The following ARL6IP5 variants were observed in gnomAD, a reference collection of about 807,000 sequenced individuals.
ARL6IP5 encodes the protein ARF like GTPase 6 interacting protein 5.
ARL6IP5 carries 6 observed loss-of-function variants against 13.0 expected under a neutral mutation model. That is an observed-to-expected ratio of 0.46 (90% CI 0.25 to 0.91). The LOEUF is 0.91. Among genes scored for constraint, ARL6IP5 ranks in the 40% least tolerant of loss-of-function variants. The pLI is 0.17. For synonymous variants in ARL6IP5, 91 were observed against 91.9 expected (o/e 0.99, Z 0.06); for missense variants, 208 against 248.8 (o/e 0.84, Z 1.10).
chr3:69,103,929 G>T (rs1476041011), intron 2 of ARL6IP5, among the ~76,000 whole-genome samples: 1 of 152,164 alleles, frequency 6.6e-6, no homozygotes, highest in Non-Finnish European at 1.5e-5. Flanking sequence ...GGAACGGTAG[G>T]CTATAGAAAC....
chr3:69,105,408 G>A lies in ARL6IP5; in HGVS notation c.*772G>A, dbSNP rs2092319584. 6.6e-6 allele frequency: 1 copy of A among 152,040 alleles called. No individual in the cohort carries two copies. The highest frequency in any genetic ancestry group is 6.6e-5 in the Admixed American group (1 of 15,260). 9.4% of individuals were successfully genotyped at this position (152,040 alleles called of 1,614,324 possible). On this transcript the variant is annotated 3_prime_UTR_variant, in exon 3 of 3. Coordinates refer to ENST00000273258, the MANE Select transcript of ARL6IP5 (RefSeq NM_006407.4). Reference sequence around the variant, plus strand: ...ACAAAACTTGAGTTCTATTTACCTTGCACATTTTTTGTTGTTACAGTGAAA... The same window carrying A: ...ACAAAACTTGAGTTCTATTTACCTTACACATTTTTTGTTGTTACAGTGAAA...
In ARL6IP5 at chr3:69,101,316, C is replaced by CTTTTTTTTTTTT. The variant is rs549402201; in HGVS notation, c.177-513_177-502dup. ...TGCCTGGGTGTGATCTCAGCTCCAC[C>CTTTTTTTTTTTT]TTTTTTTTTTTTTTTTTTTTTAATG... On this transcript the variant is annotated intron_variant, in intron 1 of 2. Transcript: ENST00000273258. Among the ~76,000 whole-genome samples the CTTTTTTTTTTTT allele has an allele frequency of 7.3e-3, 870 of 119,414 alleles. 21 individuals are homozygous for CTTTTTTTTTTTT. Among genetic ancestry groups the CTTTTTTTTTTTT allele is most frequent in the East Asian group, 0.014 (42 of 2,898 alleles). 78.3% of individuals were successfully genotyped at this position (119,414 alleles called of 152,430 possible).
Position 69,104,686 on chromosome 3 carries a change from C to A in ARL6IP5, c.*50C>A. On this transcript the variant is annotated 3_prime_UTR_variant, in exon 3 of 3. Coordinates refer to ENST00000273258, the MANE Select transcript of ARL6IP5 (RefSeq NM_006407.4). Reference sequence around the variant, plus strand: ...GCAGCAGAAATTGAGTTGCAGCTTGCCCTTGTCCAGACCTATGTTCTGCTT... The same window carrying A: ...GCAGCAGAAATTGAGTTGCAGCTTGACCTTGTCCAGACCTATGTTCTGCTT... 6.3e-7 allele frequency: 1 copy of A among 1,594,404 alleles called. No homozygotes were observed. Among genetic ancestry groups the A allele is most frequent in the Non-Finnish European group, 8.6e-7 (1 of 1,166,950 alleles).
Position 69,104,977 on chromosome 3 carries a change from A to G in ARL6IP5, c.*341A>G. On this transcript the variant is annotated 3_prime_UTR_variant, in exon 3 of 3. Transcript: ENST00000273258. Reference sequence around the variant, plus strand: ...AATACGATTATCTTATAGGAAAAAAAAAATCATTGTAAAGTATCAAGACAA... The same window carrying G: ...AATACGATTATCTTATAGGAAAAAAGAAATCATTGTAAAGTATCAAGACAA... 1.5e-6 allele frequency: 1 copy of G among 670,648 alleles called. No individual in the cohort carries two copies. Among genetic ancestry groups the G allele is most frequent in the Non-Finnish European group, 2.7e-6 (1 of 374,910 alleles). 41.5% of individuals were successfully genotyped at this position (670,648 alleles called of 1,614,324 possible). A position where few individuals can be genotyped will look rare whatever the true frequency, so the allele number is the denominator to read the frequency against.
chr3:69,085,388 C>T (rs909668706), intron 1 of ARL6IP5, among the ~76,000 whole-genome samples, 165 bp downstream of exon 1: 3 of 152,142 alleles, frequency 2.0e-5, no homozygotes, highest in African/African-American at 7.2e-5. Flanking sequence ...AGGGCGAGGC[C>T]GCAGTAACCT....
Position 69,084,995 on chromosome 3 carries a change from T to TGCC in ARL6IP5, c.-37_-35dup, listed in dbSNP as rs767557247. 30 of 1,585,594 alleles carry TGCC rather than the reference T, an allele frequency of 1.9e-5. No homozygotes were observed. Among genetic ancestry groups the TGCC allele is most frequent in the South Asian group, 3.5e-5 (3 of 86,532 alleles). On this transcript the variant is annotated 5_prime_UTR_variant, in exon 1 of 3. Transcript: ENST00000273258. ...CTCCAACTCAGCTCAGCTGATCGGT[T>TGCC]GCCGCCGCCGCCGCCGCCAGATTCT...
At chr3:69,104,039 C>T (rs753205717) in intron 2 of ARL6IP5, among the ~76,000 whole-genome samples, 1 of 152,092 alleles carries the variant, frequency 6.6e-6, no homozygotes, top group Non-Finnish European at 1.5e-5. Context: ...CTCACGTGCT[C>T]CTGCAGGGAA....
intron 1 of ARL6IP5, among the ~76,000 whole-genome samples, chr3:69,088,487 G>A (rs1158666565): frequency 6.6e-6 from 1 of 152,190 alleles, no homozygotes; most frequent in East Asian, 1.9e-4. Context: ...TGAGGATAGA[G>A]AGGGCCTCCT....
Position 69,085,036 on chromosome 3 carries a change from A to G in ARL6IP5, c.-12A>G, listed in dbSNP as rs368886970. Reference sequence around the variant, plus strand: ...GCCAGATTCTGGAGGCGAAGAACGCAAAGCTGAGAACATGGACGTTAATAT... The same window carrying G: ...GCCAGATTCTGGAGGCGAAGAACGCGAAGCTGAGAACATGGACGTTAATAT... On this transcript the variant is annotated 5_prime_UTR_variant, in exon 1 of 3. Transcript: ENST00000273258. 5.0e-6 allele frequency: 8 copies of G among 1,611,226 alleles called. No homozygotes were observed. The highest frequency in any genetic ancestry group is 5.1e-6 in the Non-Finnish European group (6 of 1,178,602).
chr3:69,097,013 T>C (rs1194782726), intron 1 of ARL6IP5, among the ~76,000 whole-genome samples: 1 of 152,192 alleles, frequency 6.6e-6, no homozygotes, highest in Non-Finnish European at 1.5e-5. Context: ...ATTTCATTTG[T>C]TCATTTTTAA....
intron 1 of ARL6IP5, among the ~76,000 whole-genome samples, chr3:69,095,596 G>C (rs1157066335): frequency 1.3e-5 from 2 of 151,522 alleles, no homozygotes; most frequent in Non-Finnish European, 2.9e-5. Flanking sequence ...CCAGGTTCAA[G>C]TGATTCTCGT....
intron 1 of ARL6IP5, among the ~76,000 whole-genome samples, chr3:69,091,317 A>G (rs1430092610): frequency 6.6e-6 from 1 of 152,140 alleles, no homozygotes; most frequent in Non-Finnish European, 1.5e-5. Context: ...ATTTTGAGAC[A>G]GGGTTTCACT....
At chr3:69,086,501 CCTT>C (rs1418222873) in intron 1 of ARL6IP5, among the ~76,000 whole-genome samples, 1 of 152,228 alleles carries the variant, frequency 6.6e-6, no homozygotes, top group Non-Finnish European at 1.5e-5. Context: ...TCGCACAGAT[CCTT>C]CTTCTGCATT....
rs777344067 is a variant in ARL6IP5, at chr3:69,104,501, C to T, written c.432C>T (p.Leu144=). The T allele has an allele frequency of 6.2e-7, 1 of 1,613,956 alleles. No homozygotes were observed. The highest frequency in any genetic ancestry group is 8.5e-7 in the Non-Finnish European group (1 of 1,179,916). ...FIHASLRLRN[L]KNKLENKMEG... is the part of the protein sequence containing the mutation. ...ATGCATCGTTGAGACTTCGGAACCT[C>T]AAGAACAAACTGGAGAATAAAATGG... Residue 144 remains leucine (L), a synonymous_variant, in exon 3 of 3, where the codon CTC becomes CTT. Transcript: ENST00000273258.
intron 1 of ARL6IP5, chr3:69,089,760 C>A: frequency 2.2e-6 from 1 of 455,592 alleles, no homozygotes. Flanking sequence ...GCTTCTCCAG[C>A]AAGAGAGCTG....
chr3:69,095,552 T>A (rs904595494), intron 1 of ARL6IP5, among the ~76,000 whole-genome samples: 1 of 150,024 alleles, frequency 6.7e-6, no homozygotes, highest in Non-Finnish European at 1.5e-5. Flanking sequence ...CACGCTGGAG[T>A]GGCACAATCT....
intron 1 of ARL6IP5, chr3:69,089,911 G>A: frequency 2.2e-6 from 1 of 453,486 alleles, no homozygotes; most frequent in Non-Finnish European, 4.4e-6. Context: ...AGATGTTGCA[G>A]GAGGGTGGAA....
intron 2 of ARL6IP5, among the ~76,000 whole-genome samples, chr3:69,104,080 A>G (rs922714852): frequency 6.6e-6 from 1 of 152,184 alleles, no homozygotes; most frequent in Non-Finnish European, 1.5e-5. Context: ...ATCGAGCAAG[A>G]GTTCTTTTCT....
At chr3:69,096,441 AT>A (rs2092287281) in intron 1 of ARL6IP5, among the ~76,000 whole-genome samples, 1 of 152,110 alleles carries the variant, frequency 6.6e-6, no homozygotes, top group African/African-American at 2.4e-5. Flanking sequence ...ATGAATTATT[AT>A]TTTAATAAGT....
Sources: gnomAD v4.1 joint callset for allele counts (sites outside exome capture counted in the v4.1 genomes callset) on GRCh38, gnomAD v4.1.1 for gene constraint, MANE v1.5 for transcripts, NCBI Gene and HGNC (gene_info 2026-07-23, HGNC 2026-07-21) for gene names.